MCUB: variants seen among roughly 807,000 people sequenced by gnomAD.
MCUB encodes mitochondrial calcium uniporter dominant negative subunit beta, also known as calcium uniporter regulatory subunit MCUb, mitochondrial.
MCUB carries 46 observed loss-of-function variants against 41.4 expected under a neutral mutation model. The ratio of observed to expected loss-of-function variants is 1.11; its 90% CI spans 0.88 to 1.42. The LOEUF is 1.42. Among genes scored for constraint, MCUB ranks in the 40% most tolerant of loss-of-function variants. MCUB has a pLI of 0.00. For synonymous variants in MCUB, 148 were observed against 148.2 expected, an observed-to-expected ratio of 1.00 and a Z score of 0.01; for missense variants, 403 against 404.9, an observed-to-expected ratio of 1.00 and a Z score of 0.04.
At chr4:109,675,573 G>A (rs1400799594) in intron 4 of MCUB, among the ~76,000 whole-genome samples, 1 of 152,160 alleles carries the variant, frequency 6.6e-6, no homozygotes, top group Non-Finnish European at 1.5e-5. Flanking sequence ...CTGGTGATAG[G>A]TCAATAAGCC....
intron 1 of MCUB, among the ~76,000 whole-genome samples, chr4:109,610,414 C>T (rs192833517): frequency 4.0e-4 from 61 of 152,296 alleles, no homozygotes; most frequent in African/African-American, 1.1e-3. Context: ...CCTATTATAT[C>T]TTTTAATTTA....
chr4:109,576,349 T>C (rs1727028873), intron 1 of MCUB, among the ~76,000 whole-genome samples: 1 of 152,164 alleles, frequency 6.6e-6, no homozygotes, highest in African/African-American at 2.4e-5. Flanking sequence ...AAATAACAAA[T>C]ATATATGAAG....
chr4:109,642,335 T>C (rs922454948), intron 1 of MCUB, among the ~76,000 whole-genome samples: 3 of 152,302 alleles, frequency 2.0e-5, no homozygotes, highest in South Asian at 4.1e-4. Flanking sequence ...TTCTTGCCCA[T>C]GGATATGGAA....
intron 1 of MCUB, among the ~76,000 whole-genome samples, chr4:109,568,861 A>G (rs1381855938): frequency 2.0e-5 from 3 of 152,190 alleles, no homozygotes; most frequent in African/African-American, 7.2e-5. Context: ...AAAGAACAAA[A>G]TAGTATATAA....
At chr4:109,588,869 G>C (rs1417332966) in intron 1 of MCUB, among the ~76,000 whole-genome samples, 1 of 151,996 alleles carries the variant, frequency 6.6e-6, no homozygotes, top group Non-Finnish European at 1.5e-5. Flanking sequence ...GACTAAATTG[G>C]ATATAAAGAA....
Position 109,684,575 on chromosome 4 carries a change from G to A in MCUB, c.745G>A (p.Glu249Lys), listed in dbSNP as rs766097936. 6.2e-7 allele frequency: 1 copy of A among 1,607,464 alleles called. No homozygotes were observed. Among genetic ancestry groups the A allele is most frequent in the Non-Finnish European group, 8.5e-7 (1 of 1,174,050 alleles). The change falls in exon 6 of 8, where the codon GAG (glutamate) becomes AAG (lysine). Residue 249 changes from glutamate (E) to lysine (K), a missense_variant. By Grantham distance (56) the Glu-to-Lys change is moderately conservative (BLOSUM62 1). Coordinates refer to ENST00000394650, the MANE Select transcript of MCUB (RefSeq NM_017918.5). ...TWWVYSWDIMEPVTYFITFAN... is the reference protein window; with the variant it reads ...TWWVYSWDIMKPVTYFITFAN... ...GTGGGTGTACTCCTGGGATATCATG[G>A]AGCCAGTTACATACTTCATCACATT...
chr4:109,608,276 G>T (rs1175734260), intron 1 of MCUB, among the ~76,000 whole-genome samples: 1 of 152,042 alleles, frequency 6.6e-6, no homozygotes, highest in African/African-American at 2.4e-5. Context: ...TTATCTGATA[G>T]AATTCTGAAT....
chr4:109,586,947 TC>T (rs1293481089), intron 1 of MCUB, among the ~76,000 whole-genome samples: 1 of 152,218 alleles, frequency 6.6e-6, no homozygotes, highest in Non-Finnish European at 1.5e-5. Context: ...CTGTCCTTTC[TC>T]CCAGCTCAAA....
chr4:109,636,111 A>G (rs56077978), intron 1 of MCUB, among the ~76,000 whole-genome samples: 21,502 of 152,192 alleles, frequency 0.14, 2,018 homozygotes, highest in African/African-American at 0.27. Flanking sequence ...TAACTGACCC[A>G]GCTTGGAGCT....
chr4:109,640,188 G>A (rs1001631730), intron 1 of MCUB, among the ~76,000 whole-genome samples: 1 of 152,248 alleles, frequency 6.6e-6, no homozygotes, highest in South Asian at 2.1e-4. Context: ...ATCTCAAAGT[G>A]CATTATCGCA....
At chr4:109,650,267 C>T (rs1237755168) in intron 1 of MCUB, among the ~76,000 whole-genome samples, 1 of 152,140 alleles carries the variant, frequency 6.6e-6, no homozygotes, top group African/African-American at 2.4e-5. Context: ...ACTAACATGT[C>T]TGAGGATTGT....
intron 1 of MCUB, among the ~76,000 whole-genome samples, chr4:109,567,755 G>A (rs1726816200): frequency 6.6e-6 from 1 of 151,880 alleles, no homozygotes; most frequent in African/African-American, 2.4e-5. Flanking sequence ...CTGTAGTGCA[G>A]TGGCACGATC....
rs1236520103 is a variant in MCUB, at chr4:109,602,802, T to C, written c.99+42366T>C. ...AATCTGTAGATTGCTTTGGTAAGTATGGACATTTTAACAATATTGATTCTT... is the reference window on the plus strand; with the variant it reads ...AATCTGTAGATTGCTTTGGTAAGTACGGACATTTTAACAATATTGATTCTT... On this transcript the variant is annotated intron_variant, in intron 1 of 7. Transcript: ENST00000394650. 2.6e-5 allele frequency among the ~76,000 whole-genome samples: 4 copies of C among 152,248 alleles called. No individual in the cohort carries two copies. In the East Asian group the frequency reaches 5.8e-4, roughly 22 times the overall value.
chr4:109,641,254 G>A (rs1029218198), intron 1 of MCUB, among the ~76,000 whole-genome samples: 3 of 142,124 alleles, frequency 2.1e-5, no homozygotes, highest in Non-Finnish European at 4.5e-5. Flanking sequence ...CATAACACCC[G>A]GCTACTTTTT....
intron 1 of MCUB, among the ~76,000 whole-genome samples, chr4:109,590,009 G>A (rs997928068): frequency 2.0e-5 from 3 of 152,188 alleles, no homozygotes; most frequent in Non-Finnish European, 2.9e-5. Context: ...CTAGTGGTAA[G>A]CTCTCTACGT....
At chr4:109,596,599 C>T (rs532698072) in intron 1 of MCUB, among the ~76,000 whole-genome samples, 3 of 152,130 alleles carry the variant, frequency 2.0e-5, no homozygotes, top group African/African-American at 2.4e-5. Context: ...AGGACCATGA[C>T]GGTGCATCCC....
chr4:109,618,148 AG>A (rs945616643), intron 1 of MCUB, among the ~76,000 whole-genome samples: 2 of 152,200 alleles, frequency 1.3e-5, no homozygotes, highest in Non-Finnish European at 2.9e-5. Context: ...TCAGCAGCAC[AG>A]GAACTCGGGA....
At position 109,605,165 on chromosome 4, in the gene MCUB, TTGGC is replaced by T. The variant is rs200466243; in HGVS notation, c.99+44733_99+44736del. Among the ~76,000 whole-genome samples, 537 of 152,264 alleles carry T rather than the reference TTGGC, an allele frequency of 3.5e-3. 5 individuals carry two copies. Among genetic ancestry groups the T allele is most frequent in the East Asian group, 0.014 (70 of 5,182 alleles). On this transcript the variant is annotated intron_variant, in intron 1 of 7. Coordinates refer to ENST00000394650, the MANE Select transcript of MCUB (RefSeq NM_017918.5). ...TTGGGTCTTGGGCTTTTTTTTTCCT[TTGGC>T]TGGGAGGCTATTACAGCTTCAATCA...
At chr4:109,571,461 C>A (rs924695699) in intron 1 of MCUB, among the ~76,000 whole-genome samples, 2 of 152,126 alleles carry the variant, frequency 1.3e-5, no homozygotes, top group South Asian at 2.1e-4. Flanking sequence ...TATAGGCACA[C>A]GCCATCCTGC....
Sources: gnomAD v4.1 joint callset for allele counts (sites outside exome capture counted in the v4.1 genomes callset) on GRCh38, gnomAD v4.1.1 for gene constraint, MANE v1.5 for transcripts, NCBI Gene and HGNC (gene_info 2026-07-23, HGNC 2026-07-21) for gene names.